The following COL23A1 variants were observed in gnomAD, a reference collection of about 807,000 sequenced individuals.
The protein encoded by COL23A1 is collagen type XXIII alpha 1 chain.
Under a neutral mutation model 99.3 loss-of-function variants are expected in COL23A1, and 97 were observed. That is an observed-to-expected ratio of 0.98 (90% CI 0.83 to 1.16). The LOEUF (loss-of-function observed/expected upper bound fraction) is 1.16. Ranked by LOEUF, COL23A1 falls within the 50% of genes most tolerant of loss-of-function variation. COL23A1 has a pLI of 0.00. For synonymous variants in COL23A1, 320 were observed against 308.2 expected (o/e 1.04, Z -0.40); for missense variants, 762 against 757.4 (o/e 1.01, Z -0.07).
At chr5:178,532,768 C>T (rs976702866) in intron 2 of COL23A1, among the ~76,000 whole-genome samples, 1 of 152,078 alleles carries the variant, frequency 6.6e-6, no homozygotes, top group African/African-American at 2.4e-5. Flanking sequence ...GATAGGGCCC[C>T]GGTGATGGGA....
Position 178,489,946 on chromosome 5 carries a change from T to C in COL23A1, c.361+70736A>G, listed in dbSNP as rs2127967253. On this transcript the variant is annotated intron_variant, in intron 2 of 28. Coordinates refer to ENST00000390654, the MANE Select transcript of COL23A1 (RefSeq NM_173465.4). Reference sequence around the variant, plus strand: ...GAAGATCACTTAGCCTTAAAAAAGGTAGGGTGGCTGGGTGTGGTGGTTCAC... The same window carrying C: ...GAAGATCACTTAGCCTTAAAAAAGGCAGGGTGGCTGGGTGTGGTGGTTCAC... Among the ~76,000 whole-genome samples, 8 of 152,056 alleles carry C rather than the reference T, an allele frequency of 5.3e-5. 1 individual carries two copies. In the South Asian group the frequency reaches 1.7e-3, roughly 32 times the overall value.
chr5:178,385,285 TC>T (rs1177080936), intron 2 of COL23A1, among the ~76,000 whole-genome samples: 1 of 151,758 alleles, frequency 6.6e-6, no homozygotes, highest in Non-Finnish European at 1.5e-5. Context: ...AATGCTTCCC[TC>T]CCCCCAGGTC....
chr5:178,529,217 C>G (rs1042115868), intron 2 of COL23A1, among the ~76,000 whole-genome samples: 29 of 152,182 alleles, frequency 1.9e-4, no homozygotes, highest in African/African-American at 6.5e-4. Context: ...GGCTGGATTC[C>G]GTGAGGATGT....
chr5:178,337,221 G>A (rs1030986989), intron 2 of COL23A1, among the ~76,000 whole-genome samples: 1 of 152,242 alleles, frequency 6.6e-6, no homozygotes, highest in African/African-American at 2.4e-5. Context: ...CACAGCCTGC[G>A]TGCACTTGCT....
chr5:178,351,535 C>T (rs996676019), intron 2 of COL23A1, among the ~76,000 whole-genome samples: 9 of 152,208 alleles, frequency 5.9e-5, no homozygotes, highest in South Asian at 2.1e-4. Context: ...CCAGTGAGGC[C>T]GCACTCGGCC....
chr5:178,490,632 C>T (rs1389363131), intron 2 of COL23A1, among the ~76,000 whole-genome samples: 1 of 152,034 alleles, frequency 6.6e-6, no homozygotes, highest in Non-Finnish European at 1.5e-5. Flanking sequence ...AAAAAATTAG[C>T]CAGATGTGGT....
intron 1 of COL23A1, chr5:178,561,740 C>G (rs773999019): frequency 8.4e-5 from 13 of 154,608 alleles, no homozygotes; most frequent in Non-Finnish European, 1.9e-4. Context: ...CCTAAGTGAA[C>G]AGTGCAGCGC....
intron 2 of COL23A1, among the ~76,000 whole-genome samples, chr5:178,549,576 G>C (rs2113454552): frequency 6.6e-6 from 1 of 152,230 alleles, no homozygotes; most frequent in East Asian, 1.9e-4. Flanking sequence ...ATCACTTTGG[G>C]AGGCTGAGGT....
chr5:178,493,122 G>A (rs1239019995), intron 2 of COL23A1, among the ~76,000 whole-genome samples: 1 of 152,188 alleles, frequency 6.6e-6, no homozygotes, highest in Non-Finnish European at 1.5e-5. Context: ...ATCAGGCACT[G>A]AATGAGTGAG....
intron 2 of COL23A1, among the ~76,000 whole-genome samples, chr5:178,463,193 A>C (rs1756221836): frequency 6.6e-6 from 1 of 152,250 alleles, no homozygotes; most frequent in Non-Finnish European, 1.5e-5. Flanking sequence ...CATACCCTTA[A>C]GCTACAAGCA....
intron 2 of COL23A1, among the ~76,000 whole-genome samples, chr5:178,426,596 C>A (rs113637398): frequency 1.3e-5 from 2 of 152,298 alleles, no homozygotes; most frequent in African/African-American, 4.8e-5. Context: ...GGATGCCGCA[C>A]ACCACCCCCT....
chr5:178,531,387 T>C (rs6879131), intron 2 of COL23A1, among the ~76,000 whole-genome samples: 4,564 of 152,296 alleles, frequency 0.03, 216 homozygotes, highest in African/African-American at 0.1. Context: ...CCGCATGACC[T>C]GCCTGGGGCT....
intron 2 of COL23A1, among the ~76,000 whole-genome samples, chr5:178,488,491 C>T (rs1285527548): frequency 4.6e-5 from 7 of 152,072 alleles, no homozygotes; most frequent in African/African-American, 1.7e-4. Flanking sequence ...CTTCCTTTCC[C>T]TCACCGCCAC....
At chr5:178,509,528 GCATT>G (rs1379297312) in intron 2 of COL23A1, among the ~76,000 whole-genome samples, 1 of 152,032 alleles carries the variant, frequency 6.6e-6, no homozygotes, top group Non-Finnish European at 1.5e-5. Context: ...GCCAGAACCT[GCATT>G]CTAACAAGAC....
chr5:178,387,520 C>T lies in COL23A1; in HGVS notation c.362-80601G>A, dbSNP rs2127746188. Among the ~76,000 whole-genome samples, 1 of 152,308 alleles carries T rather than the reference C, an allele frequency of 6.6e-6. No homozygotes were observed. Among genetic ancestry groups the T allele is most frequent in the African/African-American group, 2.4e-5 (1 of 41,562 alleles). On this transcript the variant is annotated intron_variant, in intron 2 of 28. Coordinates refer to ENST00000390654, the MANE Select transcript of COL23A1 (RefSeq NM_173465.4). This position sits in a 1 kb window ranked among gnomAD's most constrained non-coding sequence, Gnocchi z 4.7. ...GCTCTCCTGGCAGGGTCGGGAACTGCCTGCTGCATCTGGGTATGCTCTGCA... is the reference window on the plus strand; with the variant it reads ...GCTCTCCTGGCAGGGTCGGGAACTGTCTGCTGCATCTGGGTATGCTCTGCA...
At chr5:178,550,946 CAGAT>C (rs1013282507) in intron 2 of COL23A1, among the ~76,000 whole-genome samples, 1 of 152,016 alleles carries the variant, frequency 6.6e-6, no homozygotes, top group Non-Finnish European at 1.5e-5. Flanking sequence ...TGTTTTCTAA[CAGAT>C]AGTCTACCTT....
At chr5:178,506,792 T>C (rs1414443148) in intron 2 of COL23A1, among the ~76,000 whole-genome samples, 1 of 152,226 alleles carries the variant, frequency 6.6e-6, no homozygotes, top group Non-Finnish European at 1.5e-5. Context: ...ATACCATTTT[T>C]ATTACCAACA....
intron 2 of COL23A1, among the ~76,000 whole-genome samples, chr5:178,435,082 G>C (rs1766484457): frequency 6.6e-6 from 1 of 152,204 alleles, no homozygotes; most frequent in Non-Finnish European, 1.5e-5. Context: ...TCTATTCCTG[G>C]CTCCTGGAGA....
chr5:178,361,423 G>A (rs1421868048), intron 2 of COL23A1, among the ~76,000 whole-genome samples: 1 of 152,114 alleles, frequency 6.6e-6, no homozygotes, highest in Non-Finnish European at 1.5e-5. Context: ...TGATCTTGGT[G>A]TGAATGTGGG....
Sources: allele counts gnomAD v4.1 joint callset (sites outside exome capture counted in the v4.1 genomes callset), GRCh38; gene constraint gnomAD v4.1.1; non-coding constraint Gnocchi (gnomAD v3.1); transcripts MANE v1.5; gene names NCBI Gene and HGNC (gene_info 2026-07-23, HGNC 2026-07-21).